The following NLGN1 variants were observed in gnomAD, a reference collection of about 807,000 sequenced individuals.
The protein encoded by NLGN1 is neuroligin-1.
Under a neutral mutation model 65.5 loss-of-function variants are expected in NLGN1, and 12 were observed. The observed-to-expected ratio is 0.18, with a 90% CI of 0.12 to 0.30. The LOEUF is 0.30. NLGN1 is among the 10% of genes least tolerant of loss of function. NLGN1 has a pLI of 1.00. For synonymous variants in NLGN1, 350 were observed against 359.5 expected (o/e 0.97, Z 0.30); for missense variants, 750 against 1,007.1 (o/e 0.74, Z 3.46).
At chr3:173,531,583 A>ACACACACACACACG (rs1317332469) in intron 2 of NLGN1, among the ~76,000 whole-genome samples, 1 of 152,004 alleles carries the variant, frequency 6.6e-6, no homozygotes, top group Non-Finnish European at 1.5e-5. Context: ...ACACACACAC[A>ACACACACACACACG]CACACACTTC....
At chr3:173,880,637 T>A (rs1733043552) in intron 4 of NLGN1, among the ~76,000 whole-genome samples, 1 of 151,994 alleles carries the variant, frequency 6.6e-6, no homozygotes, top group African/African-American at 2.4e-5. Context: ...CATATGAACC[T>A]TGAGAGACTT....
chr3:174,001,149 A>G (rs1055824328), intron 4 of NLGN1, among the ~76,000 whole-genome samples: 5 of 152,198 alleles, frequency 3.3e-5, no homozygotes, highest in African/African-American at 1.2e-4. Flanking sequence ...GAGAAAGGGA[A>G]GAACAGATGA....
At chr3:173,864,886 C>T (rs1729824255) in intron 4 of NLGN1, among the ~76,000 whole-genome samples, 1 of 152,038 alleles carries the variant, frequency 6.6e-6, no homozygotes, top group South Asian at 2.1e-4. Flanking sequence ...AGATGGAAAA[C>T]CTAGAATGAG....
intron 4 of NLGN1, among the ~76,000 whole-genome samples, chr3:174,076,679 T>TAGAGAGAGAGAGAG (rs3979619): frequency 2.2e-4 from 20 of 92,912 alleles, no homozygotes; most frequent in African/African-American, 7.0e-4. Flanking sequence ...TCTGGGACCA[T>TAGAGAGAGAGAGAG]AGAGAGAGAG....
chr3:173,967,908 A>T (rs1470634415), intron 4 of NLGN1, among the ~76,000 whole-genome samples: 1 of 152,202 alleles, frequency 6.6e-6, no homozygotes, highest in African/African-American at 2.4e-5. Context: ...AAACCAGTGA[A>T]GTCAATTAGA....
intron 3 of NLGN1, among the ~76,000 whole-genome samples, chr3:173,683,508 A>G (rs1286532163): frequency 6.6e-6 from 1 of 152,182 alleles, no homozygotes; most frequent in Non-Finnish European, 1.5e-5. Flanking sequence ...AGATGTGTAA[A>G]TTAGAGAAAA....
intron 4 of NLGN1, among the ~76,000 whole-genome samples, chr3:174,060,500 C>T (rs944488938): frequency 6.6e-6 from 1 of 152,054 alleles, no homozygotes; most frequent in Non-Finnish European, 1.5e-5. Flanking sequence ...TTTTCCCTTT[C>T]TTTGTCTCTC....
At chr3:173,462,683 C>T (rs766170087) in intron 2 of NLGN1, among the ~76,000 whole-genome samples, 3 of 152,132 alleles carry the variant, frequency 2.0e-5, no homozygotes, top group African/African-American at 7.2e-5. Context: ...GTGCAACAAT[C>T]TTCTATTGCT....
At chr3:173,978,949 G>A (rs748594786) in intron 4 of NLGN1, among the ~76,000 whole-genome samples, 5 of 151,476 alleles carry the variant, frequency 3.3e-5, no homozygotes, top group East Asian at 1.9e-4. Flanking sequence ...AGATTGCAGC[G>A]AGCCAAGATC....
At chr3:173,411,073 G>A (rs1712439636) in intron 1 of NLGN1, among the ~76,000 whole-genome samples, 1 of 152,234 alleles carries the variant, frequency 6.6e-6, no homozygotes, top group African/African-American at 2.4e-5. Flanking sequence ...GAGTGATAAT[G>A]CATTAACATT....
In NLGN1 at chr3:174,259,774, G is replaced by A. The variant is rs573665573; in HGVS notation, c.647-15541G>A. 4.6e-5 allele frequency among the ~76,000 whole-genome samples: 7 copies of A among 150,920 alleles called. No homozygotes were observed. In the South Asian group the frequency reaches 6.3e-4, roughly 14 times the overall value. ...ATGTATACATGTGCCATGCTGGTGC[G>A]CTGCACCCACTAAATCGTCATCTAG... is the stretch of plus-strand genomic sequence containing the variant. On this transcript the variant is annotated intron_variant, in intron 4 of 6. Coordinates refer to ENST00000457714, the Ensembl canonical transcript of NLGN1.
In NLGN1 at chr3:174,212,327, C is replaced by A. The variant is rs1221012490; in HGVS notation, c.647-62988C>A. Among the ~76,000 whole-genome samples, 3 of 152,230 alleles carry A rather than the reference C, an allele frequency of 2.0e-5. No individual in the cohort carries two copies. In the East Asian group the frequency reaches 5.8e-4, roughly 29 times the overall value. Reference sequence around the variant, plus strand: ...CCAGCTGGCCCGCAAGCGCCGTGCGCAGCCCGGGTTCCCGCCCGCGCCTCT... The same window carrying A: ...CCAGCTGGCCCGCAAGCGCCGTGCGAAGCCCGGGTTCCCGCCCGCGCCTCT... On this transcript the variant is annotated intron_variant, in intron 4 of 6. Coordinates refer to ENST00000457714, the Ensembl canonical transcript of NLGN1.
At chr3:174,113,873 T>C (rs1013541787) in intron 4 of NLGN1, among the ~76,000 whole-genome samples, 1 of 152,158 alleles carries the variant, frequency 6.6e-6, no homozygotes, top group African/African-American at 2.4e-5. Context: ...AGGCTGACAA[T>C]TGGAAGAGTC....
At chr3:174,110,972 A>G (rs1314258121) in intron 4 of NLGN1, among the ~76,000 whole-genome samples, 1 of 151,982 alleles carries the variant, frequency 6.6e-6, no homozygotes, top group Non-Finnish European at 1.5e-5. Flanking sequence ...ACCCAAAGTA[A>G]GTGTTGAGGA....
chr3:174,279,183 A>G lies in NLGN1; in HGVS notation c.1182A>G (p.Lys394=). 1.9e-6 allele frequency: 3 copies of G among 1,613,412 alleles called. No individual in the cohort carries two copies. Among genetic ancestry groups the G allele is most frequent in the Non-Finnish European group, 2.5e-6 (3 of 1,179,568 alleles). The change falls in exon 6 of 7, where the codon AAA becomes AAG. Residue 394 remains lysine, a synonymous_variant. Transcript: ENST00000457714. This position sits in a 1 kb window ranked among gnomAD's most constrained non-coding sequence, Gnocchi z 4.7. ...GAGTGAACCAAGGGGAAGGGTTAAA[A>G]TTTGTTGAAAATATAGTAGATAGCG...
At chr3:173,616,815 T>G (rs1306846702) in intron 3 of NLGN1, among the ~76,000 whole-genome samples, 1 of 152,226 alleles carries the variant, frequency 6.6e-6, no homozygotes, top group Non-Finnish European at 1.5e-5. Flanking sequence ...TAGCAGCCAG[T>G]GTGATCTTTG....
rs187292846 is a variant in NLGN1 at position 174,076,841 on chromosome 3, G to T, written c.647-198474G>T. Among the ~76,000 whole-genome samples, 472 of 151,000 alleles carry T rather than the reference G, an allele frequency of 3.1e-3. 2 individuals carry two copies. The highest frequency in any genetic ancestry group is 5.4e-3 in the Non-Finnish European group (366 of 67,760). The stretch of plus-strand genomic sequence containing the variant: ...TGTCAAGGATTGTATACAGGAAATG[G>T]CTAATGAATTCTATCTATGTGGCTG... On this transcript the variant is annotated intron_variant, in intron 4 of 6. Transcript: ENST00000457714.
At chr3:174,231,437 G>A (rs73038832) in intron 4 of NLGN1, among the ~76,000 whole-genome samples, 7,108 of 152,282 alleles carry the variant, frequency 0.047, 534 homozygotes, top group African/African-American at 0.16. Flanking sequence ...CAGTCTATGA[G>A]TGGTTAATGT....
At chr3:173,953,182 C>T (rs1218667671) in intron 4 of NLGN1, among the ~76,000 whole-genome samples, 8 of 152,062 alleles carry the variant, frequency 5.3e-5, no homozygotes, top group Non-Finnish European at 2.9e-5. Context: ...TAATAAAAGG[C>T]AAGTAATTGT....
Sources: allele counts gnomAD v4.1 joint callset (sites outside exome capture counted in the v4.1 genomes callset), GRCh38; gene constraint gnomAD v4.1.1; non-coding constraint Gnocchi (gnomAD v3.1); transcripts MANE v1.5; gene names NCBI Gene and HGNC (gene_info 2026-07-23, HGNC 2026-07-21).